The following TMEM272 variants were observed in gnomAD, a reference collection of about 807,000 sequenced individuals.
TMEM272 encodes long intergenic non-protein coding RNA 282.
Under a neutral mutation model 3.7 loss-of-function variants are expected in TMEM272, and 8 were observed. The ratio of observed to expected loss-of-function variants is 2.17; its 90% confidence interval spans 1.27 to 3.91. The LOEUF (loss-of-function observed/expected upper bound fraction) is 3.91. Ranked by LOEUF, TMEM272 falls within the 30% of genes most tolerant of loss-of-function variation. The pLI is 0.00. For missense variants in TMEM272, 166 were observed against 91.5 expected (o/e 1.81, Z -3.32); for synonymous variants, 63 against 39.8 (o/e 1.58, Z -2.20).
At chr13:51,819,411 T>A (rs1014545572) in intron 4 of TMEM272, among the ~76,000 whole-genome samples, 2 of 152,086 alleles carry the variant, frequency 1.3e-5, no homozygotes, top group Non-Finnish European at 2.9e-5. Context: ...AGGGCCCCAT[T>A]CCTTGGAGGA....
intron 1 of TMEM272, among the ~76,000 whole-genome samples, chr13:51,839,768 C>T (rs567192301): frequency 2.6e-5 from 4 of 152,294 alleles, no homozygotes; most frequent in African/African-American, 7.2e-5. Flanking sequence ...GTCACTCCAC[C>T]GCCAGCGTCA....
At chr13:51,928,434 C>G in the TMEM272 span, among the ~76,000 whole-genome samples, 4 of 152,190 alleles carry the variant, frequency 2.6e-5, no homozygotes, top group Non-Finnish European at 5.9e-5. Context: ...TGCTGTGAGA[C>G]AGGAACTATT....
At chr13:51,830,187 T>C (rs73494184) in intron 2 of TMEM272, among the ~76,000 whole-genome samples, 1,815 of 152,384 alleles carry the variant, frequency 0.012, 30 homozygotes, top group African/African-American at 0.041. Flanking sequence ...TTGCACTAAA[T>C]TAGTGTGCTT....
At chr13:51,918,656 T>C in the TMEM272 span, among the ~76,000 whole-genome samples, 1 of 152,134 alleles carries the variant, frequency 6.6e-6, no homozygotes, top group Admixed American at 6.5e-5. Context: ...AACAACGTCT[T>C]GCTCTGTCAT....
chr13:51,823,832 G>A (rs1339736460), intron 3 of TMEM272, among the ~76,000 whole-genome samples: 1 of 152,114 alleles, frequency 6.6e-6, no homozygotes, highest in African/African-American at 2.4e-5. Flanking sequence ...AATTTTCTAG[G>A]TATACAGAGA....
At chr13:51,864,410 C>T in the TMEM272 span, among the ~76,000 whole-genome samples, 4 of 152,196 alleles carry the variant, frequency 2.6e-5, no homozygotes, top group Non-Finnish European at 4.4e-5. Flanking sequence ...CCTTGCTTTT[C>T]TCTTTCTGTG....
chr13:51,927,692 G>A, the TMEM272 span, among the ~76,000 whole-genome samples: 8 of 152,040 alleles, frequency 5.3e-5, no homozygotes, highest in Admixed American at 1.3e-4. Flanking sequence ...TCATTCAGGC[G>A]GTCAATAAAT....
chr13:51,822,179 G>C, intron 3 of TMEM272, 42 bp from the exon 4 acceptor site: 1 of 660,654 alleles, frequency 1.5e-6, no homozygotes, highest in South Asian at 1.6e-5. Context: ...AAATACATTC[G>C]AGAGCACAAA....
At position 51,816,485 on chromosome 13, in the gene TMEM272, T is replaced by A; in HGVS notation, c.*266A>T. 1 of 375,432 alleles carries A rather than the reference T, an allele frequency of 2.7e-6. No individual in the cohort carries two copies. The highest frequency in any genetic ancestry group is 4.9e-6 in the Non-Finnish European group (1 of 206,034). 23.3% of individuals were successfully genotyped at this position (375,432 alleles called of 1,614,324 possible). A position where few individuals can be genotyped will look rare whatever the true frequency, so the allele number is the denominator to read the frequency against. On this transcript the variant is annotated 3_prime_UTR_variant, in exon 5 of 5. Transcript: ENST00000629372. ...ATACCCTCAAAAACAATTATCCCTTTGAAAACTCTTGTGAGAACAAAATTC... is the reference window on the plus strand; with the variant it reads ...ATACCCTCAAAAACAATTATCCCTTAGAAAACTCTTGTGAGAACAAAATTC...
chr13:51,819,138 G>A (rs1956058285), intron 4 of TMEM272, among the ~76,000 whole-genome samples: 1 of 152,230 alleles, frequency 6.6e-6, no homozygotes, highest in African/African-American at 2.4e-5. Flanking sequence ...AGGGAGGGCT[G>A]CCTGGAAGAA....
At chr13:51,834,837 A>T (rs1209615879) in intron 2 of TMEM272, among the ~76,000 whole-genome samples, 1 of 152,182 alleles carries the variant, frequency 6.6e-6, no homozygotes, top group African/African-American at 2.4e-5. Context: ...TGAGGGCTAG[A>T]GCCCTGCACA....
the TMEM272 span, among the ~76,000 whole-genome samples, chr13:51,858,937 GT>G: frequency 6.6e-6 from 1 of 152,140 alleles, no homozygotes; most frequent in African/African-American, 2.4e-5. Flanking sequence ...TTACTTGGCT[GT>G]TTCGGAAACT....
chr13:51,838,248 AAC>A (rs568668838), intron 2 of TMEM272, among the ~76,000 whole-genome samples: 64 of 152,306 alleles, frequency 4.2e-4, no homozygotes, highest in African/African-American at 1.5e-3. Context: ...TTACATGGAA[AAC>A]ACATACAGTG....
intron 2 of TMEM272, among the ~76,000 whole-genome samples, chr13:51,837,600 A>G (rs1358363388): frequency 1.3e-5 from 2 of 152,138 alleles, no homozygotes; most frequent in Admixed American, 6.5e-5. Flanking sequence ...GTGGCTCTTC[A>G]CTCATTTACC....
At chr13:51,852,329 A>G in the TMEM272 span, among the ~76,000 whole-genome samples, 4 of 152,154 alleles carry the variant, frequency 2.6e-5, no homozygotes, top group Non-Finnish European at 4.4e-5. Flanking sequence ...CCATTTATCT[A>G]TTGGGTTGGT....
chr13:51,875,180 A>G, the TMEM272 span, among the ~76,000 whole-genome samples: 1 of 152,202 alleles, frequency 6.6e-6, no homozygotes, highest in Admixed American at 6.5e-5. Flanking sequence ...ATCTCAGTTA[A>G]TCCTCACAAC....
the TMEM272 span, chr13:51,908,284 C>T: frequency 9.4e-7 from 1 of 1,058,660 alleles, no homozygotes; most frequent in South Asian, 1.3e-5. Context: ...CTAAAGGGAA[C>T]TCACTCTATC....
At chr13:51,865,932 G>C in the TMEM272 span, 3 of 1,614,064 alleles carry the variant, frequency 1.9e-6, no homozygotes, top group Non-Finnish European at 2.5e-6. Context: ...ACGTCCCTCT[G>C]GGAGGAAGAG....
the TMEM272 span, among the ~76,000 whole-genome samples, chr13:51,923,031 C>T: frequency 6.6e-6 from 1 of 152,214 alleles, no homozygotes; most frequent in Non-Finnish European, 1.5e-5. Flanking sequence ...TTGGGGGCCA[C>T]TGTTCTGCCA....
Sources: gnomAD v4.1 joint callset for allele counts (sites outside exome capture counted in the v4.1 genomes callset) on GRCh38, gnomAD v4.1.1 for gene constraint, MANE v1.5 for transcripts, NCBI Gene and HGNC (gene_info 2026-07-23, HGNC 2026-07-21) for gene names.